JAK1: variants seen among roughly 807,000 people sequenced by gnomAD.
JAK1 encodes tyrosine-protein kinase JAK1.
JAK1 carries 16 observed loss-of-function variants against 136.6 expected under a neutral mutation model. The ratio of observed to expected loss-of-function variants is 0.12; its 90% CI spans 0.08 to 0.18. The LOEUF (loss-of-function observed/expected upper bound fraction) is 0.18, where lower values mean the gene tolerates loss of function less well. Among genes scored for constraint, JAK1 ranks in the 10% least tolerant of loss-of-function variants. The pLI is 1.00. For synonymous variants in JAK1, 492 were observed against 519.5 expected, an observed-to-expected ratio of 0.95 and a Z score of 0.72; for missense variants, 859 against 1,450.1, an observed-to-expected ratio of 0.59 and a Z score of 6.62.
chr1:64,983,364 C>T (rs1336376761), intron 2 of JAK1, among the ~76,000 whole-genome samples: 2 of 152,066 alleles, frequency 1.3e-5, no homozygotes, highest in Admixed American at 6.6e-5. Flanking sequence ...ACAAGCATGC[C>T]GTGACCCTGA....
intron 2 of JAK1, 96 bp downstream of exon 2, chr1:64,886,163 A>G: frequency 2.7e-6 from 2 of 753,482 alleles, no homozygotes; most frequent in African/African-American, 1.8e-5. Flanking sequence ...ATTAAAGGCA[A>G]TAGCACCAAT....
At chr1:65,019,065 C>A (rs1300632675) in intron 2 of JAK1, among the ~76,000 whole-genome samples, 2 of 151,892 alleles carry the variant, frequency 1.3e-5, no homozygotes. Context: ...CTCGAACAAT[C>A]CTATGATCAT....
At chr1:64,868,181 CAACA>C (rs1310857919) in intron 6 of JAK1, among the ~76,000 whole-genome samples, 1 of 152,172 alleles carries the variant, frequency 6.6e-6, no homozygotes, top group African/African-American at 2.4e-5. Context: ...CGAGTATCTA[CAACA>C]AACAGAATCT....
At position 64,930,740 on chromosome 1, in the gene JAK1, A is replaced by C. The variant is rs374040068; in HGVS notation, c.-78+35593T>G. Among the ~76,000 whole-genome samples the C allele has an allele frequency of 6.6e-5, 10 of 152,324 alleles. No individual in the cohort carries two copies. The South Asian group carries it at 2.1e-3, about 32-fold the overall frequency. On this transcript the variant is annotated intron_variant, in intron 1 of 24. Coordinates refer to ENST00000342505, the MANE Select transcript of JAK1 (RefSeq NM_002227.4). ...ACTGTTCACCATAGCAAATACTTGGATCCAACCCAAATGCCCATCAATGAT... is the reference window on the plus strand; with the variant it reads ...ACTGTTCACCATAGCAAATACTTGGCTCCAACCCAAATGCCCATCAATGAT...
chr1:64,869,933 C>T (rs767872265), intron 5 of JAK1, among the ~76,000 whole-genome samples: 2 of 152,080 alleles, frequency 1.3e-5, no homozygotes, highest in South Asian at 2.1e-4. Flanking sequence ...GAAAGGGGAA[C>T]GTTCCGCAGT....
chr1:64,988,508 A>G (rs1486476825), intron 2 of JAK1, among the ~76,000 whole-genome samples: 2 of 152,136 alleles, frequency 1.3e-5, no homozygotes, highest in African/African-American at 2.4e-5. Flanking sequence ...AACAAGCAGA[A>G]TCTGTCAGAA....
At position 64,855,528 on chromosome 1, in the gene JAK1, G is replaced by A. The variant is rs2101049807; in HGVS notation, c.1629C>T (p.Cys543=). 4 of 1,614,064 alleles carry A rather than the reference G, an allele frequency of 2.5e-6. No homozygotes were observed. The highest frequency in any genetic ancestry group is 3.4e-6 in the Non-Finnish European group (4 of 1,179,956). ...TDNISFMLKR[C]CQPKPREISN... is the part of the protein sequence containing the mutation. Reference sequence around the variant, plus strand: ...ACGAACCTCGGGGCTTGGGCTGGCAGCAGCGTTTTAGCATGAAGCTGATGT... The same window carrying A: ...ACGAACCTCGGGGCTTGGGCTGGCAACAGCGTTTTAGCATGAAGCTGATGT... Residue 543 remains cysteine (C), a synonymous_variant, in exon 11 of 25, where the codon TGC becomes TGT. Coordinates refer to ENST00000342505, the MANE Select transcript of JAK1 (RefSeq NM_002227.4).
At chr1:64,946,845 T>C (rs1645996991) in intron 1 of JAK1, among the ~76,000 whole-genome samples, 1 of 152,188 alleles carries the variant, frequency 6.6e-6, no homozygotes, top group Non-Finnish European at 1.5e-5. Context: ...ATAAACAAAA[T>C]GTTGTATATA....
chr1:65,006,642 C>A (rs975833728), intron 2 of JAK1, among the ~76,000 whole-genome samples: 1 of 152,164 alleles, frequency 6.6e-6, no homozygotes, highest in African/African-American at 2.4e-5. Flanking sequence ...CACACCCAAC[C>A]CAGTTTCCAT....
chr1:64,875,804 T>C lies in JAK1; in HGVS notation c.330-2281A>G, dbSNP rs375072044. On this transcript the variant is annotated intron_variant, in intron 4 of 24. Transcript: ENST00000342505. The stretch of plus-strand genomic sequence containing the variant: ...CCCTCCGCTGGTGACAGTGGAAAGC[T>C]AGGGCTATCAGCTGGCAGGGAGGCT... Among the ~76,000 whole-genome samples the C allele has an allele frequency of 1.4e-3, 214 of 152,260 alleles. 6 individuals carry two copies. In the South Asian group the frequency reaches 0.043, roughly 31 times the overall value.
chr1:64,950,153 C>T (rs796180846), intron 1 of JAK1, among the ~76,000 whole-genome samples: 25 of 152,224 alleles, frequency 1.6e-4, no homozygotes, highest in African/African-American at 5.8e-4. Flanking sequence ...CTTACACCTG[C>T]AATCCCAGCA....
rs914068015 is a variant in JAK1 at position 65,013,537 on chromosome 1, T to C, written c.-78+30943A>G. On this transcript the variant is annotated intron_variant, in intron 2 of 25. Coordinates refer to the JAK1 transcript ENST00000671954. ...CCAGTACAATGAGGAAACAATTTCA[T>C]CTCTGAAAATTTGTAATCACTTGCT... Among the ~76,000 whole-genome samples the C allele has an allele frequency of 5.3e-5, 8 of 152,234 alleles. No homozygotes were observed. In the South Asian group the frequency reaches 8.3e-4, roughly 16 times the overall value.
At chr1:64,839,564 C>T (rs766764782) in intron 20 of JAK1, 39 bp downstream of exon 20, 8 of 1,590,744 alleles carry the variant, frequency 5.0e-6, no homozygotes, top group Non-Finnish European at 6.9e-6. Context: ...TAGACAGTCA[C>T]CAAATCTTTA....
chr1:65,000,538 G>T (rs1396787780), intron 2 of JAK1, among the ~76,000 whole-genome samples: 1 of 151,726 alleles, frequency 6.6e-6, no homozygotes, highest in African/African-American at 2.4e-5. Context: ...GCACACTCCA[G>T]TCCTGTTTAA....
intron 1 of JAK1, among the ~76,000 whole-genome samples, chr1:64,895,332 T>C (rs1358705099): frequency 6.6e-6 from 1 of 152,218 alleles, no homozygotes; most frequent in African/African-American, 2.4e-5. Flanking sequence ...TTTAATACAT[T>C]TTTAAATGCT....
At chr1:64,897,086 C>A (rs1403696038) in intron 1 of JAK1, among the ~76,000 whole-genome samples, 1 of 152,016 alleles carries the variant, frequency 6.6e-6, no homozygotes, top group Admixed American at 6.6e-5. Flanking sequence ...AAAACAGGAG[C>A]TGAGTGAGGA....
chr1:65,022,854 A>C (rs1169650192), intron 2 of JAK1: 1 of 152,182 alleles, frequency 6.6e-6, no homozygotes, highest in Non-Finnish European at 1.5e-5. Context: ...GGGGAAATTC[A>C]GTCTATTCTT....
intron 2 of JAK1, among the ~76,000 whole-genome samples, chr1:65,023,734 C>T (rs1050912335): frequency 1.1e-4 from 16 of 152,032 alleles, no homozygotes; most frequent in African/African-American, 3.6e-4. Flanking sequence ...CCACACACCT[C>T]GGCCTCCCAA....
chr1:64,859,343 G>A (rs1656148592), intron 9 of JAK1, among the ~76,000 whole-genome samples: 1 of 152,242 alleles, frequency 6.6e-6, no homozygotes, highest in Non-Finnish European at 1.5e-5. Context: ...TGAGTAGGCA[G>A]AAGTTACAGA....
Sources: gnomAD v4.1 joint callset for allele counts (sites outside exome capture counted in the v4.1 genomes callset) on GRCh38, gnomAD v4.1.1 for gene constraint, MANE v1.5 for transcripts, NCBI Gene and HGNC (gene_info 2026-07-23, HGNC 2026-07-21) for gene names.